Variants in GLP1R observed in about 807,000 individuals in gnomAD.
GLP1R encodes glucagon-like peptide 1 receptor.
In GLP1R, 32 loss-of-function variants were observed where a neutral mutation model predicts 68.4. That is an observed-to-expected ratio of 0.47 (90% CI 0.35 to 0.63). The LOEUF (loss-of-function observed/expected upper bound fraction) is 0.63, where lower values mean the gene tolerates loss of function less well. GLP1R is among the 20% of genes least tolerant of loss of function. The pLI is 0.00. For synonymous variants in GLP1R, 263 were observed against 244.4 expected, an observed-to-expected ratio of 1.08 and a Z score of -0.71; for missense variants, 502 against 594.9, an observed-to-expected ratio of 0.84 and a Z score of 1.62.
chr6:39,053,229 C>T (rs563383702), intron 1 of GLP1R, among the ~76,000 whole-genome samples: 26 of 151,552 alleles, frequency 1.7e-4, no homozygotes, highest in African/African-American at 6.4e-4. Flanking sequence ...GAACCCACAG[C>T]CCCACCTTGT....
intron 7 of GLP1R, among the ~76,000 whole-genome samples, chr6:39,074,102 G>A (rs1307288589): frequency 6.6e-6 from 1 of 152,128 alleles, no homozygotes; most frequent in Non-Finnish European, 1.5e-5. Flanking sequence ...CCCAGTCCCG[G>A]GCAGCCCGAG....
intron 3 of GLP1R, among the ~76,000 whole-genome samples, chr6:39,063,915 CACAG>C (rs1383855034): frequency 2.7e-5 from 4 of 145,864 alleles, no homozygotes. Flanking sequence ...CACACACACA[CACAG>C]ACACATAACA....
At chr6:39,082,769 G>T (rs1317286114) in intron 12 of GLP1R, among the ~76,000 whole-genome samples, 1 of 152,124 alleles carries the variant, frequency 6.6e-6, no homozygotes, top group Non-Finnish European at 1.5e-5. Flanking sequence ...AGACAGGGTG[G>T]CATGTATCCT....
chr6:39,055,786 T>C (rs534499076), intron 1 of GLP1R, among the ~76,000 whole-genome samples: 2 of 152,296 alleles, frequency 1.3e-5, no homozygotes, highest in African/African-American at 2.4e-5. Flanking sequence ...GGAATGCTAA[T>C]GGCAGACATC....
intron 1 of GLP1R, among the ~76,000 whole-genome samples, chr6:39,053,845 T>C (rs1232294248): frequency 1.3e-5 from 2 of 152,020 alleles, no homozygotes; most frequent in East Asian, 1.9e-4. Context: ...ACTCAGTCTT[T>C]CCCCAGACCA....
intron 1 of GLP1R, among the ~76,000 whole-genome samples, chr6:39,054,620 T>G (rs1030632971): frequency 6.6e-6 from 1 of 151,688 alleles, no homozygotes; most frequent in South Asian, 2.1e-4. Flanking sequence ...CGTTAACCCC[T>G]CCCCCCGCCT....
intron 6 of GLP1R, 109 bp downstream of exon 6, chr6:39,073,124 C>G (rs932917974): frequency 1.9e-6 from 2 of 1,070,938 alleles, no homozygotes; most frequent in African/African-American, 3.2e-5. Context: ...CCGAACAGTC[C>G]TGGCCCTTCG....
At position 39,080,707 on chromosome 6, in the gene GLP1R, G is replaced by A. The variant is rs1227265756; in HGVS notation, c.1192G>A (p.Val398Met). Residue 398 changes from valine to methionine, a missense_variant, in exon 12 of 13, where the codon GTG becomes ATG. Val to Met is a conservative substitution (Grantham distance 21, BLOSUM62 1). Coordinates refer to ENST00000373256, the MANE Select transcript of GLP1R (RefSeq NM_002062.5). ...TGACTCTTGTTTCCAGGGGCTGATGGTGGCCATATTATACTGCTTTGTCAA... is the reference window on the plus strand; with the variant it reads ...TGACTCTTGTTTCCAGGGGCTGATGATGGCCATATTATACTGCTTTGTCAA... Reference protein sequence around the residue: ...LSFTSFQGLMVAILYCFVNNE... With the variant: ...LSFTSFQGLMMAILYCFVNNE... The A allele has an allele frequency of 6.3e-7, 1 of 1,597,668 alleles. No homozygotes were observed. Among genetic ancestry groups the A allele is most frequent in the Non-Finnish European group, 8.5e-7 (1 of 1,171,096 alleles).
rs771878593 is a variant in GLP1R at position 39,088,152 on chromosome 6, C to T, written c.*2079C>T. ...ACTGTAAGTAGAGTTGTCTTCCCAA[C>T]GAGAACTGGTGATTCCTGATTTCAG... On this transcript the variant is annotated 3_prime_UTR_variant, in exon 13 of 13. Transcript: ENST00000373256. Among the ~76,000 whole-genome samples the T allele has an allele frequency of 4.6e-5, 7 of 152,130 alleles. No homozygotes were observed. Among genetic ancestry groups the T allele is most frequent in the African/African-American group, 1.2e-4 (5 of 41,432 alleles).
In GLP1R at chr6:39,072,843, GC is replaced by G. The variant is rs1562012980; in HGVS notation, c.510-16del. 5.0e-6 allele frequency: 8 copies of G among 1,609,814 alleles called. No homozygotes were observed. Among genetic ancestry groups the G allele is most frequent in the Non-Finnish European group, 6.8e-6 (8 of 1,177,210 alleles). ...CTGTTGGCTGCCTTGCCAGGGAAAG[GC>G]CCTGCTTTCTCCCTCAGACACCTGC... On this transcript the variant is annotated intron_variant, in intron 5 of 12. Coordinates refer to ENST00000373256, the MANE Select transcript of GLP1R (RefSeq NM_002062.5).
intron 6 of GLP1R, 40 bp from the exon 7 acceptor site, chr6:39,073,570 C>T (rs758006414): frequency 1.3e-6 from 2 of 1,585,728 alleles, no homozygotes; most frequent in Admixed American, 3.3e-5. Context: ...AGGCAGAGGG[C>T]AGAGCTGTTG....
chr6:39,063,868 G>A (rs948796653), intron 3 of GLP1R, among the ~76,000 whole-genome samples: 1 of 150,660 alleles, frequency 6.6e-6, no homozygotes, highest in African/African-American at 2.4e-5. Context: ...TGAGGGTCAG[G>A]CCCTGGGGCT....
Position 39,078,373 on chromosome 6 carries a change from A to T in GLP1R, c.875A>T (p.Glu292Val), listed in dbSNP as rs764763043. Residue 292 changes from glutamate to valine, a missense_variant, in exon 8 of 13, where the codon GAG becomes GTG. Physicochemically the swap from Glu to Val is moderately radical, Grantham distance 121 (BLOSUM62 -2). Transcript: ENST00000373256. ...TGGGGCATTGTCAAGTACCTCTATG[A>T]GGACGAGGGGTGAGTGTCCTGCTCC... ...VPWGIVKYLY[E>V]DEGCWTRNSN... The T allele has an allele frequency of 2.5e-6, 4 of 1,610,428 alleles. No individual in the cohort carries two copies. Among genetic ancestry groups the T allele is most frequent in the Non-Finnish European group, 3.4e-6 (4 of 1,176,724 alleles).
intron 12 of GLP1R, among the ~76,000 whole-genome samples, chr6:39,084,682 C>T (rs1769100721): frequency 6.6e-6 from 1 of 152,216 alleles, no homozygotes; most frequent in African/African-American, 2.4e-5. Context: ...CCCTCCCCCA[C>T]TCAAGCTTGG....
At chr6:39,054,094 T>C (rs570387315) in intron 1 of GLP1R, among the ~76,000 whole-genome samples, 11 of 150,156 alleles carry the variant, frequency 7.3e-5, no homozygotes, top group Middle Eastern at 6.8e-3. Flanking sequence ...GCCTCTTGAG[T>C]CTGCACTGAA....
Position 39,073,786 on chromosome 6 carries a change from C to A in GLP1R, c.823+17C>A. The stretch of plus-strand genomic sequence containing the variant: ...TAGGCTGGGGTAAGAACCGCCATCA[C>A]CCACCCTGGACCTGTGGCACGGGGG... On this transcript the variant is annotated intron_variant, in intron 7 of 12. Coordinates refer to ENST00000373256, the MANE Select transcript of GLP1R (RefSeq NM_002062.5). 1 of 1,612,318 alleles carries A rather than the reference C, an allele frequency of 6.2e-7. No homozygotes were observed. The highest frequency in any genetic ancestry group is 8.5e-7 in the Non-Finnish European group (1 of 1,178,686).
At chr6:39,056,317 A>T (rs1768212071) in intron 1 of GLP1R, 80 bp from the exon 2 acceptor site, 1 of 706,298 alleles carries the variant, frequency 1.4e-6, no homozygotes, top group African/African-American at 1.8e-5. Flanking sequence ...GAGATTGAGA[A>T]ACCAAGTGTG....
intron 5 of GLP1R, among the ~76,000 whole-genome samples, chr6:39,067,871 C>T (rs7766068): frequency 0.45 from 69,045 of 151,986 alleles, 16,349 homozygotes; most frequent in Non-Finnish European, 0.51. Context: ...TATGAAATCA[C>T]TGAAGTTATG....
chr6:39,079,719 G>C lies in GLP1R; in HGVS notation c.1182+17G>C. 1 of 1,608,908 alleles carries C rather than the reference G, an allele frequency of 6.2e-7. No homozygotes were observed. The highest frequency in any genetic ancestry group is 8.5e-7 in the Non-Finnish European group (1 of 1,176,318). ...TCCTTCCAGGTGACTTCATGCTTGGGGACACTTGCTTGTAAAGTCCTAGAG... is the reference window on the plus strand; with the variant it reads ...TCCTTCCAGGTGACTTCATGCTTGGCGACACTTGCTTGTAAAGTCCTAGAG... On this transcript the variant is annotated intron_variant, in intron 11 of 12. Coordinates refer to ENST00000373256, the MANE Select transcript of GLP1R (RefSeq NM_002062.5). This position sits in a 1 kb window ranked among gnomAD's most constrained non-coding sequence, Gnocchi z 4.5.
Sources: allele counts gnomAD v4.1 joint callset (sites outside exome capture counted in the v4.1 genomes callset), GRCh38; gene constraint gnomAD v4.1.1; non-coding constraint Gnocchi (gnomAD v3.1); transcripts MANE v1.5; gene names NCBI Gene and HGNC (gene_info 2026-07-23, HGNC 2026-07-21).